RBFOX1: variants seen among roughly 807,000 people sequenced by gnomAD.
RBFOX1 encodes the protein RNA binding fox-1 homolog 1, also known as RNA binding protein fox-1 homolog 1.
RBFOX1 carries 8 observed loss-of-function variants against 57.7 expected under a neutral mutation model. The observed-to-expected ratio is 0.14, with a 90% CI of 0.08 to 0.25. RBFOX1 has a LOEUF of 0.25. Among genes scored for constraint, RBFOX1 ranks in the 10% least tolerant of loss-of-function variants. RBFOX1 has a pLI of 1.00. For synonymous variants in RBFOX1, 326 were observed against 222.4 expected (o/e 1.47, Z -4.15); for missense variants, 611 against 548.5 (o/e 1.11, Z -1.14).
intron 3 of RBFOX1, among the ~76,000 whole-genome samples, chr16:7,030,280 A>T (rs2042454867): frequency 6.6e-6 from 1 of 152,132 alleles, no homozygotes; most frequent in Non-Finnish European, 1.5e-5. Flanking sequence ...TGGAGTCAGG[A>T]CTTTCATACC....
At chr16:6,871,850 C>A (rs141888940) in intron 3 of RBFOX1, among the ~76,000 whole-genome samples, 1 of 151,394 alleles carries the variant, frequency 6.6e-6, no homozygotes, top group African/African-American at 2.4e-5. Flanking sequence ...CCTATCGTGT[C>A]CTAAATCCGC....
At chr16:6,608,132 T>G (rs2097972707) in intron 2 of RBFOX1, among the ~76,000 whole-genome samples, 1 of 152,232 alleles carries the variant, frequency 6.6e-6, no homozygotes, top group Admixed American at 6.5e-5. Flanking sequence ...AAATACTATT[T>G]CATTGATTAC....
chr16:7,108,967 C>A (rs765349706), intron 4 of RBFOX1, among the ~76,000 whole-genome samples: 2 of 152,090 alleles, frequency 1.3e-5, no homozygotes, highest in Non-Finnish European at 2.9e-5. Context: ...AAGCATGAAG[C>A]ATAACGTTAT....
chr16:7,412,323 G>A (rs1398822437), intron 4 of RBFOX1, among the ~76,000 whole-genome samples: 1 of 151,050 alleles, frequency 6.6e-6, no homozygotes, highest in East Asian at 2.0e-4. Context: ...GCTGAGGCAG[G>A]AGAATCACTT....
chr16:6,814,187 G>T (rs1205287122), intron 3 of RBFOX1, among the ~76,000 whole-genome samples: 1 of 145,120 alleles, frequency 6.9e-6, no homozygotes. Flanking sequence ...CTCATTGCAT[G>T]ATCAACATGA....
intron 1 of RBFOX1, among the ~76,000 whole-genome samples, chr16:5,436,899 C>T (rs909755590): frequency 6.6e-6 from 1 of 152,106 alleles, no homozygotes; most frequent in African/African-American, 2.4e-5. Context: ...AGTTTCATCC[C>T]AAGCCATGTC....
intron 3 of RBFOX1, among the ~76,000 whole-genome samples, chr16:6,823,375 G>C (rs1240716285): frequency 6.6e-5 from 10 of 151,940 alleles, no homozygotes; most frequent in Middle Eastern, 3.4e-3. Context: ...TCCTGCCTCA[G>C]CCTCCCAAGT....
At chr16:7,218,543 T>C (rs759660338) in intron 4 of RBFOX1, among the ~76,000 whole-genome samples, 4 of 151,910 alleles carry the variant, frequency 2.6e-5, no homozygotes, top group African/African-American at 4.8e-5. Flanking sequence ...TTCACAGTAA[T>C]TGAGCTGAGA....
chr16:7,378,526 T>C (rs966729146), intron 4 of RBFOX1, among the ~76,000 whole-genome samples: 1 of 152,188 alleles, frequency 6.6e-6, no homozygotes, highest in East Asian at 1.9e-4. Flanking sequence ...CAACTGGATA[T>C]GTCATTTCTA....
At chr16:5,485,118 G>A (rs1448489896) in intron 2 of RBFOX1, among the ~76,000 whole-genome samples, 2 of 151,896 alleles carry the variant, frequency 1.3e-5, no homozygotes, top group South Asian at 2.1e-4. Context: ...AGGCCGAGGC[G>A]GGCGGATGAC....
chr16:6,861,856 T>C (rs2059080202), intron 3 of RBFOX1, among the ~76,000 whole-genome samples: 1 of 149,422 alleles, frequency 6.7e-6, no homozygotes, highest in Non-Finnish European at 1.5e-5. Context: ...GTTTTTTTTT[T>C]GGTCTAGCTT....
rs369658658 is a variant in RBFOX1, at chr16:6,195,990, A to T, written c.-126-121005A>T. The stretch of plus-strand genomic sequence containing the variant: ...AATAGAAGTCTGGATTTGAAGTAAG[A>T]ATCATAAAGACTAGGAGTACTTGTA... On this transcript the variant is annotated intron_variant, in intron 1 of 15. Coordinates refer to ENST00000550418, the MANE Select transcript of RBFOX1 (RefSeq NM_018723.4). Among the ~76,000 whole-genome samples the T allele has an allele frequency of 1.5e-3, 230 of 152,324 alleles. 2 individuals are homozygous for T. In the South Asian group the frequency reaches 0.029, roughly 19 times the overall value.
At chr16:5,337,807 A>G (rs1165485812) in intron 1 of RBFOX1, among the ~76,000 whole-genome samples, 1 of 152,178 alleles carries the variant, frequency 6.6e-6, no homozygotes, top group Non-Finnish European at 1.5e-5. Context: ...GACTTTTGGA[A>G]TATAAATTAA....
intron 1 of RBFOX1, among the ~76,000 whole-genome samples, chr16:6,288,669 T>G (rs987646384): frequency 1.3e-5 from 2 of 152,136 alleles, no homozygotes; most frequent in Admixed American, 1.3e-4. Context: ...GAACTCTGAC[T>G]TCGAGCACAT....
At chr16:6,892,195 G>A (rs117962559) in intron 3 of RBFOX1, among the ~76,000 whole-genome samples, 1,877 of 152,146 alleles carry the variant, frequency 0.012, 22 homozygotes, top group Non-Finnish European at 0.02. Context: ...CAAAGTTAAT[G>A]CCCTTTGGCC....
chr16:6,273,832 AAT>A (rs1234629743), intron 1 of RBFOX1, among the ~76,000 whole-genome samples: 2 of 152,254 alleles, frequency 1.3e-5, no homozygotes, highest in South Asian at 2.1e-4. Flanking sequence ...CAAAATCTAG[AAT>A]ATATGAGGAA....
chr16:7,116,553 A>C (rs576855339), intron 4 of RBFOX1, among the ~76,000 whole-genome samples: 1 of 152,312 alleles, frequency 6.6e-6, no homozygotes, highest in African/African-American at 2.4e-5. Flanking sequence ...GTATATTTCC[A>C]CTAAATGAGT....
At chr16:6,736,697 A>G (rs754136903) in intron 3 of RBFOX1, among the ~76,000 whole-genome samples, 10 of 152,244 alleles carry the variant, frequency 6.6e-5, no homozygotes, top group Admixed American at 3.3e-4. Flanking sequence ...GCTGGATCAA[A>G]TGGTAGTTCT....
chr16:6,035,099 C>A (rs2095348233), intron 1 of RBFOX1, among the ~76,000 whole-genome samples: 1 of 152,306 alleles, frequency 6.6e-6, no homozygotes, highest in East Asian at 1.9e-4. Flanking sequence ...CTGGCCTCTA[C>A]CTGCTAGATG....
Sources: allele counts gnomAD v4.1 joint callset (sites outside exome capture counted in the v4.1 genomes callset), GRCh38; gene constraint gnomAD v4.1.1; transcripts MANE v1.5; gene names NCBI Gene and HGNC (gene_info 2026-07-23, HGNC 2026-07-21).